Variants in ZFHX4 observed in about 807,000 individuals in gnomAD.
ZFHX4 encodes the protein zinc finger homeobox protein 4.
ZFHX4 carries 56 observed loss-of-function variants against 267.6 expected under a neutral mutation model. The observed-to-expected ratio is 0.21, with a 90% CI of 0.17 to 0.26. The LOEUF (loss-of-function observed/expected upper bound fraction) is 0.26. Among genes scored for constraint, ZFHX4 ranks in the 10% least tolerant of loss-of-function variants. The pLI is 1.00. For synonymous variants in ZFHX4, 1,778 were observed against 1,665.6 expected (o/e 1.07, Z -1.64); for missense variants, 4,332 against 4,420.0 (o/e 0.98, Z 0.56).
At chr8:76,833,248 C>A in intron 4 of ZFHX4, 90 bp from the exon 5 acceptor site, 2 of 1,018,556 alleles carry the variant, frequency 2.0e-6, no homozygotes, top group Non-Finnish European at 3.0e-6. Context: ...TCTCTCCTGA[C>A]TGCCAAATTT....
At chr8:76,721,043 A>G (rs1808707035) in intron 3 of ZFHX4, among the ~76,000 whole-genome samples, 1 of 152,102 alleles carries the variant, frequency 6.6e-6, no homozygotes, top group Non-Finnish European at 1.5e-5. Flanking sequence ...TTGTGGCAGA[A>G]GGGGATGGGA....
At chr8:76,844,529 G>A (rs1016622387) in intron 6 of ZFHX4, among the ~76,000 whole-genome samples, 5 of 151,976 alleles carry the variant, frequency 3.3e-5, no homozygotes, top group South Asian at 2.1e-4. Context: ...AGATGCCAAG[G>A]CTCTATCTTT....
rs774338842 is a variant in ZFHX4, at chr8:76,852,749, C to T, written c.5828C>T (p.Thr1943Ile). ...KKGKSGEGEN[T>I]DKLECGTCGK... Reference sequence around the variant, plus strand: ...GGCAAAAGTGGTGAAGGCGAAAACACTGACAAACTAGAATGTGGAACATGT... The same window carrying T: ...GGCAAAAGTGGTGAAGGCGAAAACATTGACAAACTAGAATGTGGAACATGT... The change falls in exon 10 of 11, where the codon ACT becomes ATT. Residue 1943 changes from threonine (T) to isoleucine (I), a missense_variant. Transcript: ENST00000651372. The T allele has an allele frequency of 6.2e-7, 1 of 1,613,692 alleles. No individual in the cohort carries two copies. The highest frequency in any genetic ancestry group is 1.7e-5 in the Admixed American group (1 of 60,002).
Position 76,852,251 on chromosome 8 carries a change from A to G in ZFHX4, c.5330A>G (p.Asp1777Gly). 6.2e-7 allele frequency: 1 copy of G among 1,603,208 alleles called. No homozygotes were observed. Among genetic ancestry groups the G allele is most frequent in the South Asian group, 1.1e-5 (1 of 90,052 alleles). ...GGAATGGCTGGCTCCTTGCTTGAAG[A>G]CCTAAAGCAGCAGATTCAAACCCAA... Reference protein sequence around the residue: ...MTGMAGSLLEDLKQQIQTQHH... With the variant: ...MTGMAGSLLEGLKQQIQTQHH... The change falls in exon 10 of 11, where the codon GAC (aspartate) becomes GGC (glycine). Residue 1777 changes from aspartate to glycine, a missense_variant. This residue lies in a region of ZFHX4 where 1,371 missense variants were observed against 1,423.1 expected (regional missense o/e 0.96). Transcript: ENST00000651372.
intron 4 of ZFHX4, among the ~76,000 whole-genome samples, chr8:76,809,330 G>A (rs1405951539): frequency 6.6e-6 from 1 of 152,100 alleles, no homozygotes; most frequent in Non-Finnish European, 1.5e-5. Context: ...TGGTTATCTA[G>A]CACAAGGCTA....
chr8:76,685,256 T>G (rs1807662654), intron 1 of ZFHX4, among the ~76,000 whole-genome samples: 1 of 152,226 alleles, frequency 6.6e-6, no homozygotes, highest in East Asian at 1.9e-4. Context: ...CAAATTGCCC[T>G]CTGCCTATAT....
At chr8:76,728,111 C>G (rs1808903852) in intron 3 of ZFHX4, among the ~76,000 whole-genome samples, 1 of 152,074 alleles carries the variant, frequency 6.6e-6, no homozygotes, top group Non-Finnish European at 1.5e-5. Flanking sequence ...ATTTTGAAGT[C>G]AGAAAGATGT....
At position 76,778,376 on chromosome 8, in the gene ZFHX4, G is replaced by A. The variant is rs1419739322; in HGVS notation, c.3262G>A (p.Ala1088Thr). The change falls in exon 4 of 11, where the codon GCA (alanine) becomes ACA (threonine). Residue 1088 changes from alanine (A) to threonine (T), a missense_variant. Coordinates refer to ENST00000651372, the MANE Select transcript of ZFHX4 (RefSeq NM_024721.5). ...GCTCCAGCTCCACCAGCAAGGCCTG[G>A]CACCAGAGGAGGACAACCTCAGTGA... The part of the protein sequence containing the change: ...RKLQLHQQGL[A>T]PEEDNLSEIF... The A allele has an allele frequency of 1.2e-6, 2 of 1,613,746 alleles. No homozygotes were observed. Among genetic ancestry groups the A allele is most frequent in the East Asian group, 2.2e-5 (1 of 44,874 alleles).
At chr8:76,716,273 C>T (rs1232144375) in intron 3 of ZFHX4, among the ~76,000 whole-genome samples, 2 of 152,056 alleles carry the variant, frequency 1.3e-5, no homozygotes, top group Non-Finnish European at 2.9e-5. Context: ...GATAATCTGT[C>T]AACAGTGAAC....
Position 76,855,262 on chromosome 8 carries a change from G to A in ZFHX4, c.8341G>A (p.Val2781Ile), listed in dbSNP as rs775388510. 14 of 1,612,474 alleles carry A rather than the reference G, an allele frequency of 8.7e-6. No individual in the cohort carries two copies. Among genetic ancestry groups the A allele is most frequent in the Non-Finnish European group, 1.2e-5 (14 of 1,179,476 alleles). The part of the protein sequence containing the change: ...SSFKAECSED[V>I]ENLNAPPAEA... ...TTTTAAAGCAGAGTGTTCTGAGGATGTAGAGAATTTAAATGCCCCTCCTGC... is the reference window on the plus strand; with the variant it reads ...TTTTAAAGCAGAGTGTTCTGAGGATATAGAGAATTTAAATGCCCCTCCTGC... Residue 2781 changes from valine (V) to isoleucine (I), a missense_variant, in exon 10 of 11, where the codon GTA becomes ATA. This residue lies in a region of ZFHX4 where 1,648 missense variants were observed against 1,625.0 expected (regional missense o/e 1.01). Transcript: ENST00000651372.
intron 3 of ZFHX4, among the ~76,000 whole-genome samples, chr8:76,764,488 A>T (rs1477514589): frequency 6.6e-6 from 1 of 152,202 alleles, no homozygotes; most frequent in Non-Finnish European, 1.5e-5. Context: ...CATGCTTACC[A>T]AGGAAAGCCA....
intron 3 of ZFHX4, chr8:76,733,601 G>A (rs935261852): frequency 6.6e-6 from 1 of 152,202 alleles, no homozygotes; most frequent in Non-Finnish European, 1.5e-5. Flanking sequence ...ATAGCAGTAT[G>A]AAGAAAACAT....
chr8:76,818,165 A>T (rs181106704), intron 4 of ZFHX4, among the ~76,000 whole-genome samples: 23 of 152,322 alleles, frequency 1.5e-4, no homozygotes, highest in African/African-American at 4.3e-4. Context: ...TGATGGAGGT[A>T]TGAGGACATG....
At chr8:76,857,784 GT>G (rs1477227592) in intron 10 of ZFHX4, among the ~76,000 whole-genome samples, 3 of 151,156 alleles carry the variant, frequency 2.0e-5, no homozygotes, top group African/African-American at 7.3e-5. Context: ...AAGTGTTTTG[GT>G]TGTACATTTT....
At chr8:76,710,368 A>G (rs1808391885) in intron 3 of ZFHX4, among the ~76,000 whole-genome samples, 1 of 152,194 alleles carries the variant, frequency 6.6e-6, no homozygotes, top group South Asian at 2.1e-4. Context: ...TGAATCATAG[A>G]GGATTTTCAA....
At chr8:76,843,704 A>G (rs924265400) in intron 6 of ZFHX4, among the ~76,000 whole-genome samples, 9 of 152,188 alleles carry the variant, frequency 5.9e-5, no homozygotes, top group Admixed American at 1.3e-4. Flanking sequence ...GTAGTCATCT[A>G]TCTTTTCCTT....
At chr8:76,858,605 A>AT (rs1812791157) in intron 10 of ZFHX4, among the ~76,000 whole-genome samples, 1 of 152,146 alleles carries the variant, frequency 6.6e-6, no homozygotes, top group South Asian at 2.1e-4. Flanking sequence ...TCATGTCTTT[A>AT]TTAGGTTAAT....
intron 4 of ZFHX4, among the ~76,000 whole-genome samples, chr8:76,783,615 A>G (rs1314548763): frequency 1.3e-5 from 2 of 152,024 alleles, no homozygotes; most frequent in Non-Finnish European, 2.9e-5. Context: ...CCTCAAGAGC[A>G]TTATGGTGTC....
Position 76,842,639 on chromosome 8 carries a change from C to A in ZFHX4, c.3395-16C>A. ...GCGGTTTTCAGTTCTACTGATTGGT[C>A]TGCCTTTCTTAACAGAAGAACAAAG... On this transcript the variant is annotated splice_polypyrimidine_tract_variant and intron_variant, in intron 5 of 10. Transcript: ENST00000651372. 1.3e-6 allele frequency: 2 copies of A among 1,542,484 alleles called. No individual in the cohort carries two copies. The highest frequency in any genetic ancestry group is 2.4e-5 in the South Asian group (2 of 83,478).
Sources: gnomAD v4.1 joint callset for allele counts (sites outside exome capture counted in the v4.1 genomes callset) on GRCh38, gnomAD v4.1.1 for gene constraint, gnomAD v4.1.1 regional missense constraint, MANE v1.5 for transcripts, NCBI Gene and HGNC (gene_info 2026-07-23, HGNC 2026-07-21) for gene names.